GALM: variants seen among roughly 807,000 people sequenced by gnomAD.
GALM encodes the protein galactose mutarotase.
A neutral mutation model predicts 37.4 loss-of-function variants in GALM; 43 were observed. The ratio of observed to expected loss-of-function variants is 1.15; its 90% CI spans 0.90 to 1.48. The LOEUF is 1.48. GALM is among the 40% of genes most tolerant of loss of function. The probability of loss-of-function intolerance (pLI) is 0.00; values close to 1 mark genes in which losing one functional copy is unlikely to be tolerated. For synonymous variants in GALM, 199 were observed against 170.6 expected (o/e 1.17, Z -1.30); for missense variants, 456 against 419.1 (o/e 1.09, Z -0.77).
rs1267357503 is a variant in GALM at position 38,688,290 on chromosome 2, T to A, written c.553-1523T>A. ...ACTTTGGGAGGCCGAGGTGAGCAGA[T>A]CACCTGAGGTCGCGAGTTCGAGACC... On this transcript the variant is annotated intron_variant, in intron 3 of 6. Coordinates refer to ENST00000272252, the MANE Select transcript of GALM (RefSeq NM_138801.3). Among the ~76,000 whole-genome samples, 9 of 151,868 alleles carry A rather than the reference T, an allele frequency of 5.9e-5. No individual in the cohort carries two copies. In the South Asian group the frequency reaches 1.7e-3, roughly 28 times the overall value.
At chr2:38,672,970 C>A (rs1191341703) in intron 1 of GALM, among the ~76,000 whole-genome samples, 2 of 152,158 alleles carry the variant, frequency 1.3e-5, no homozygotes, top group East Asian at 3.9e-4. Context: ...AGACCGCACA[C>A]TGCACTCCAG....
chr2:38,672,030 G>GA (rs897210954), intron 1 of GALM, among the ~76,000 whole-genome samples: 139 of 144,460 alleles, frequency 9.6e-4, no homozygotes, highest in Middle Eastern at 3.6e-3. Context: ...TAATTATGGG[G>GA]AAAAAAAAAA....
intron 5 of GALM, among the ~76,000 whole-genome samples, chr2:38,731,277 A>G (rs1190275633): frequency 3.3e-5 from 5 of 151,770 alleles, no homozygotes; most frequent in African/African-American, 1.2e-4. Context: ...GCGCACCTGC[A>G]GTCCCAGCTA....
rs147249802 is a variant in GALM, at chr2:38,703,620, G to A, written c.634+13726G>A. Among the ~76,000 whole-genome samples, 196 of 152,192 alleles carry A rather than the reference G, an allele frequency of 1.3e-3. 1 individual carries two copies. Among genetic ancestry groups the A allele is most frequent in the Middle Eastern group, 6.8e-3 (2 of 294 alleles). On this transcript the variant is annotated intron_variant, in intron 4 of 6. Coordinates refer to ENST00000272252, the MANE Select transcript of GALM (RefSeq NM_138801.3). ...TTTCTTACACCCTGATTCAAAGACC[G>A]CACAGAATCTCTAACCCAGATATTC...
Position 38,686,560 on chromosome 2 carries a change from G to A in GALM, c.553-3253G>A, listed in dbSNP as rs902471727. On this transcript the variant is annotated intron_variant, in intron 3 of 6. Transcript: ENST00000272252. ...ATTACAAGCATGAGCCACCGTGCCTGGCCAGAAAGTGGAAATTTCTAAGCA... is the reference window on the plus strand; with the variant it reads ...ATTACAAGCATGAGCCACCGTGCCTAGCCAGAAAGTGGAAATTTCTAAGCA... Among the ~76,000 whole-genome samples the A allele has an allele frequency of 4.6e-5, 7 of 152,044 alleles. No individual in the cohort carries two copies. In the South Asian group the frequency reaches 1.5e-3, roughly 32 times the overall value.
intron 4 of GALM, among the ~76,000 whole-genome samples, chr2:38,717,943 TC>T (rs1666302644): frequency 6.6e-6 from 1 of 151,392 alleles, no homozygotes. Flanking sequence ...TAAACGATCT[TC>T]CCACCTCAGC....
chr2:38,706,661 G>A (rs1431848756), intron 4 of GALM, among the ~76,000 whole-genome samples: 1 of 151,800 alleles, frequency 6.6e-6, no homozygotes, highest in Non-Finnish European at 1.5e-5. Flanking sequence ...GGGAGATTCT[G>A]TTTCAGAAAC....
chr2:38,689,909 C>A lies in GALM; in HGVS notation c.634+15C>A, dbSNP rs1414521741. On this transcript the variant is annotated intron_variant, in intron 4 of 6. Transcript: ENST00000272252. ...GATTCCTACAGGTTGGTGAATTTAACCTTTTTGTGTTATGTGGGATCATGG... is the reference window on the plus strand; with the variant it reads ...GATTCCTACAGGTTGGTGAATTTAAACTTTTTGTGTTATGTGGGATCATGG... 3.9e-6 allele frequency: 6 copies of A among 1,525,468 alleles called. No homozygotes were observed. In the African/African-American group the frequency reaches 6.9e-5, roughly 17 times the overall value. The allele number at this position is 1,525,468 out of a possible 1,614,324, so 94.5% of individuals were successfully genotyped here.
At chr2:38,676,895 G>A (rs958503786) in intron 2 of GALM, among the ~76,000 whole-genome samples, 6 of 152,172 alleles carry the variant, frequency 3.9e-5, no homozygotes, top group East Asian at 3.9e-4. Context: ...GGGTGCCCCC[G>A]TCCAACATGC....
intron 4 of GALM, among the ~76,000 whole-genome samples, chr2:38,700,117 A>G (rs1254261374): frequency 2.6e-5 from 4 of 152,002 alleles, no homozygotes; most frequent in Admixed American, 6.6e-5. Flanking sequence ...ACACCCAGCT[A>G]ATTTTTGTAT....
intron 4 of GALM, among the ~76,000 whole-genome samples, chr2:38,700,272 G>GTGTTTTGTTGTTGATTTTCTGTCTAGA (rs1665890255): frequency 6.6e-6 from 1 of 152,134 alleles, no homozygotes; most frequent in Non-Finnish European, 1.5e-5. Context: ...TTTAAATCTA[G>GTGTTTTGTTGTTGATTTTCTGTCTAGA]TGTTTTGTTG....
chr2:38,733,888 C>T lies in GALM; in HGVS notation c.*323C>T. 2.9e-6 allele frequency: 1 copy of T among 343,990 alleles called. No homozygotes were observed. The highest frequency in any genetic ancestry group is 5.5e-6 in the Non-Finnish European group (1 of 180,620). 21.3% of individuals were successfully genotyped at this position (343,990 alleles called of 1,614,324 possible). A position where few individuals can be genotyped will look rare whatever the true frequency, so the allele number is the denominator to read the frequency against. ...TCTCTCCACACTGCCTCTTTCTTTT[C>T]AACTTTTTGCCCTTCCTTTCTTTAA... On this transcript the variant is annotated 3_prime_UTR_variant, in exon 7 of 7. Coordinates refer to ENST00000272252, the MANE Select transcript of GALM (RefSeq NM_138801.3).
intron 4 of GALM, among the ~76,000 whole-genome samples, chr2:38,726,700 A>G (rs1250499296): frequency 1.3e-5 from 2 of 151,970 alleles, no homozygotes; most frequent in East Asian, 2.0e-4. Context: ...ACCTGAGACC[A>G]GCTTGGCCAA....
chr2:38,675,522 TTTTG>T (rs1253140555), intron 1 of GALM, among the ~76,000 whole-genome samples: 84 of 103,080 alleles, frequency 8.1e-4, no homozygotes, highest in South Asian at 1.9e-3. Context: ...TTGAGGGTTT[TTTTG>T]TTTTTTTTTT....
Position 38,731,631 on chromosome 2 carries a change from C to T in GALM, c.777-104C>T, listed in dbSNP as rs943603240. On this transcript the variant is annotated intron_variant, in intron 5 of 6. Coordinates refer to ENST00000272252, the MANE Select transcript of GALM (RefSeq NM_138801.3). Reference sequence around the variant, plus strand: ...ATCTCCTCCTTATATCTTGTCCCTGCTCTGTGGCTGGGTCTGATTCCTGTC... The same window carrying T: ...ATCTCCTCCTTATATCTTGTCCCTGTTCTGTGGCTGGGTCTGATTCCTGTC... 9.6e-5 allele frequency: 77 copies of T among 803,358 alleles called. No homozygotes were observed. The African/African-American group carries it at 1.2e-3, about 13-fold the overall frequency. The allele number at this position is 803,358 out of a possible 1,614,324, so 49.8% of individuals were successfully genotyped here.
intron 5 of GALM, 127 bp from the exon 6 acceptor site, chr2:38,731,608 C>A (rs1273225008): frequency 1.6e-5 from 11 of 709,592 alleles, no homozygotes; most frequent in Non-Finnish European, 2.7e-5. Flanking sequence ...CTACCTTCAT[C>A]TCCTCCTTAT....
chr2:38,720,413 TTAA>T (rs1452504901), intron 4 of GALM, among the ~76,000 whole-genome samples: 2 of 37,580 alleles, frequency 5.3e-5, no homozygotes, highest in African/African-American at 9.3e-5. Flanking sequence ...CACTTCTATG[TTAA>T]AAAAAAAAAA....
chr2:38,706,771 G>C (rs1462200819), intron 4 of GALM, among the ~76,000 whole-genome samples: 2 of 148,694 alleles, frequency 1.3e-5, no homozygotes, highest in Admixed American at 1.4e-4. Context: ...GTGTGTACCT[G>C]TAGTCCCAGC....
At chr2:38,684,566 G>A (rs1317865346) in intron 3 of GALM, among the ~76,000 whole-genome samples, 2 of 152,238 alleles carry the variant, frequency 1.3e-5, no homozygotes, top group East Asian at 1.9e-4. Flanking sequence ...CAGCACTTGG[G>A]AGGCCAAGGT....
Sources: gnomAD v4.1 joint callset for allele counts (sites outside exome capture counted in the v4.1 genomes callset) on GRCh38, gnomAD v4.1.1 for gene constraint, MANE v1.5 for transcripts, NCBI Gene and HGNC (gene_info 2026-07-23, HGNC 2026-07-21) for gene names.